The following SNX24 variants were observed in gnomAD, a reference collection of about 807,000 sequenced individuals.
SNX24 encodes the protein sorting nexin-24.
Under a neutral mutation model 28.7 loss-of-function variants are expected in SNX24, and 22 were observed. That is an observed-to-expected ratio of 0.77 (90% confidence interval 0.55 to 1.10). The LOEUF (loss-of-function observed/expected upper bound fraction) is 1.10. Among genes scored for constraint, SNX24 ranks in the 50% least tolerant of loss-of-function variants. The probability of loss-of-function intolerance (pLI) is 0.00; values close to 1 mark genes in which losing one functional copy is unlikely to be tolerated. For missense variants in SNX24, 221 were observed against 201.1 expected, an observed-to-expected ratio of 1.10 and a Z score of -0.60; for synonymous variants, 69 against 71.5, an observed-to-expected ratio of 0.96 and a Z score of 0.18.
At chr5:122,866,490 A>G (rs1218013654) in intron 1 of SNX24, among the ~76,000 whole-genome samples, 1 of 151,884 alleles carries the variant, frequency 6.6e-6, no homozygotes, top group Admixed American at 6.6e-5. Context: ...TCCATATTCC[A>G]TTTGCCTTCA....
In SNX24 at chr5:122,973,088, G is replaced by A. The variant is rs76063636; in HGVS notation, c.250-26824G>A. Among the ~76,000 whole-genome samples, 2,139 of 152,304 alleles carry A rather than the reference G, an allele frequency of 0.014. 115 individuals are homozygous for A. The East Asian group carries it at 0.16, about 12-fold the overall frequency. ...CACTTGATTATTAAAATGCTCCTCT[G>A]CTGAGGTCATCCTTTGGTGAACACT... On this transcript the variant is annotated intron_variant, in intron 3 of 6. Coordinates refer to ENST00000261369, the MANE Select transcript of SNX24 (RefSeq NM_014035.4).
chr5:122,913,928 G>A (rs1050892607), intron 1 of SNX24, among the ~76,000 whole-genome samples: 6 of 152,192 alleles, frequency 3.9e-5, no homozygotes, highest in African/African-American at 1.4e-4. Context: ...GCCAACACAG[G>A]GAAACCCCGT....
chr5:123,016,142 G>C (rs1278183190), intron 5 of SNX24, among the ~76,000 whole-genome samples: 1 of 152,154 alleles, frequency 6.6e-6, no homozygotes, highest in Non-Finnish European at 1.5e-5. Context: ...AGAATAATGT[G>C]ATATTGGCTG....
At chr5:122,991,713 G>A (rs1561706513) in intron 3 of SNX24, among the ~76,000 whole-genome samples, 3 of 152,070 alleles carry the variant, frequency 2.0e-5, no homozygotes, top group Non-Finnish European at 4.4e-5. Flanking sequence ...CACCCGCCTT[G>A]GCCTCCCAAA....
chr5:123,000,090 GC>G (rs1300019945), intron 4 of SNX24, 84 bp downstream of exon 4: 1 of 908,590 alleles, frequency 1.1e-6, no homozygotes, highest in Non-Finnish European at 1.8e-6. Flanking sequence ...CCAGAGTGAT[GC>G]CCGAGTAGCC....
chr5:123,012,703 T>A (rs1227481732), downstream of SNX24, among the ~76,000 whole-genome samples: 1 of 152,250 alleles, frequency 6.6e-6, no homozygotes, highest in African/African-American at 2.4e-5. Flanking sequence ...TTTGAGTGAC[T>A]GCAGGCTCAG....
At chr5:122,994,713 G>A (rs1001145676) in intron 3 of SNX24, among the ~76,000 whole-genome samples, 1 of 152,096 alleles carries the variant, frequency 6.6e-6, no homozygotes, top group African/African-American at 2.4e-5. Flanking sequence ...CCCCATGCAG[G>A]AAGTTTTTTA....
chr5:122,902,103 C>T (rs1371398439), intron 1 of SNX24, among the ~76,000 whole-genome samples: 2 of 152,186 alleles, frequency 1.3e-5, no homozygotes, highest in Non-Finnish European at 2.9e-5. Flanking sequence ...GGCCTCTGGC[C>T]CTTGTTCACA....
chr5:122,963,886 A>G (rs75271422), intron 3 of SNX24, among the ~76,000 whole-genome samples: 1,837 of 152,256 alleles, frequency 0.012, 32 homozygotes, highest in African/African-American at 0.042. Flanking sequence ...ATATATATGC[A>G]CATATCCAAC....
intron 1 of SNX24, among the ~76,000 whole-genome samples, chr5:122,916,811 G>C (rs905394983): frequency 6.6e-6 from 1 of 152,118 alleles, no homozygotes; most frequent in African/African-American, 2.4e-5. Flanking sequence ...CCTTATCGGG[G>C]GGTGTGATTT....
At position 122,857,632 on chromosome 5, in the gene SNX24, C is replaced by T. The variant is rs1156949333; in HGVS notation, c.60+11939C>T. 4.6e-5 allele frequency among the ~76,000 whole-genome samples: 7 copies of T among 152,082 alleles called. No individual in the cohort carries two copies. The East Asian group carries it at 9.6e-4, about 21-fold the overall frequency. On this transcript the variant is annotated intron_variant, in intron 1 of 6. Coordinates refer to ENST00000261369, the MANE Select transcript of SNX24 (RefSeq NM_014035.4). ...GTGTCCATGTCTTCTCATCATTTAGCGCCCACTTATAAGTGAGAACATGTG... is the reference window on the plus strand; with the variant it reads ...GTGTCCATGTCTTCTCATCATTTAGTGCCCACTTATAAGTGAGAACATGTG...
intron 1 of SNX24, among the ~76,000 whole-genome samples, chr5:122,873,987 C>G (rs1174643929): frequency 6.6e-6 from 1 of 152,140 alleles, no homozygotes; most frequent in East Asian, 1.9e-4. Flanking sequence ...CCAGCCTGGT[C>G]TTGAACTCCT....
At chr5:122,909,476 C>T (rs1757786827) in intron 1 of SNX24, among the ~76,000 whole-genome samples, 1 of 152,122 alleles carries the variant, frequency 6.6e-6, no homozygotes, top group African/African-American at 2.4e-5. Context: ...TCTAGGTTTT[C>T]CGTCTCCAAA....
chr5:122,851,905 T>G (rs1754935600), intron 1 of SNX24, among the ~76,000 whole-genome samples: 1 of 152,088 alleles, frequency 6.6e-6, no homozygotes, highest in Admixed American at 6.6e-5. Flanking sequence ...GTAAAAACTT[T>G]TAAAAAGCAT....
chr5:122,994,120 C>T (rs74811730), intron 3 of SNX24, among the ~76,000 whole-genome samples: 3,536 of 152,194 alleles, frequency 0.023, 158 homozygotes, highest in African/African-American at 0.08. Flanking sequence ...CAACACAGCC[C>T]TGTGCTATGA....
intron 6 of SNX24, among the ~76,000 whole-genome samples, chr5:123,003,775 C>T (rs546258989): frequency 2.6e-5 from 4 of 152,116 alleles, no homozygotes; most frequent in Non-Finnish European, 5.9e-5. Context: ...AAGAGTAAAA[C>T]GTATGTATCA....
intron 1 of SNX24, among the ~76,000 whole-genome samples, chr5:122,886,853 T>G (rs1756741899): frequency 6.6e-6 from 1 of 152,048 alleles, no homozygotes; most frequent in South Asian, 2.1e-4. Flanking sequence ...TTATTCATTA[T>G]TTTTATATTT....
downstream of SNX24, among the ~76,000 whole-genome samples, chr5:123,012,094 A>G (rs923055703): frequency 2.6e-5 from 4 of 152,152 alleles, no homozygotes; most frequent in Non-Finnish European, 4.4e-5. Flanking sequence ...CCTTCCTGCC[A>G]TCATGTGAAG....
chr5:122,934,025 C>T (rs1033843975), intron 1 of SNX24, among the ~76,000 whole-genome samples: 1 of 151,930 alleles, frequency 6.6e-6, no homozygotes, highest in South Asian at 2.1e-4. Context: ...TCAGGTGATA[C>T]GCCCGTCTCA....
Sources: allele counts gnomAD v4.1 joint callset (sites outside exome capture counted in the v4.1 genomes callset), GRCh38; gene constraint gnomAD v4.1.1; transcripts MANE v1.5; gene names NCBI Gene and HGNC (gene_info 2026-07-23, HGNC 2026-07-21).